Variants in MARCHF11 observed in about 807,000 individuals in gnomAD.
The protein encoded by MARCHF11 is E3 ubiquitin-protein ligase MARCHF11.
A neutral mutation model predicts 37.3 loss-of-function variants in MARCHF11; 29 were observed. That is an observed-to-expected ratio of 0.78 (90% CI 0.58 to 1.06). MARCHF11 has a LOEUF of 1.06. Among genes scored for constraint, MARCHF11 ranks in the 50% least tolerant of loss-of-function variants. The probability of loss-of-function intolerance (pLI) is 0.00; values close to 1 mark genes in which losing one functional copy is unlikely to be tolerated. For missense variants in MARCHF11, 482 were observed against 533.4 expected, an observed-to-expected ratio of 0.90 and a Z score of 0.95; for synonymous variants, 233 against 228.0, an observed-to-expected ratio of 1.02 and a Z score of -0.20.
chr5:16,172,785 T>C (rs184177992), intron 2 of MARCHF11, among the ~76,000 whole-genome samples: 1 of 152,260 alleles, frequency 6.6e-6, no homozygotes, highest in Admixed American at 6.5e-5. Context: ...GTAATGACCA[T>C]GGGTTCCTCA....
chr5:16,098,090 G>A (rs1736900412), intron 2 of MARCHF11, among the ~76,000 whole-genome samples: 1 of 152,168 alleles, frequency 6.6e-6, no homozygotes, highest in Admixed American at 6.5e-5. Flanking sequence ...TATCCTCTCA[G>A]TAGATGTGGT....
At chr5:16,095,580 T>C (rs1474680471) in intron 2 of MARCHF11, among the ~76,000 whole-genome samples, 1 of 152,194 alleles carries the variant, frequency 6.6e-6, no homozygotes, top group African/African-American at 2.4e-5. Flanking sequence ...TCCCTCTGTG[T>C]CTTTGAGCAC....
intron 3 of MARCHF11, among the ~76,000 whole-genome samples, chr5:16,076,157 T>C (rs1256840149): frequency 6.6e-6 from 1 of 152,228 alleles, no homozygotes; most frequent in African/African-American, 2.4e-5. Context: ...TTTTTAAAAT[T>C]CCTTGTAGAT....
In MARCHF11 at chr5:16,067,290, C is replaced by A; in HGVS notation, c.*181G>T. Reference sequence around the variant, plus strand: ...ATAAAAGATGTGACAAACCAGACAACGAAGAACAAGAGGACTCTTTTTCTC... The same window carrying A: ...ATAAAAGATGTGACAAACCAGACAAAGAAGAACAAGAGGACTCTTTTTCTC... On this transcript the variant is annotated 3_prime_UTR_variant, in exon 4 of 4. Transcript: ENST00000332432. 1.8e-6 allele frequency: 1 copy of A among 543,130 alleles called. No homozygotes were observed. The highest frequency in any genetic ancestry group is 3.3e-5 in the South Asian group (1 of 30,408). 33.6% of individuals were successfully genotyped at this position (543,130 alleles called of 1,614,324 possible).
At chr5:16,165,786 T>C (rs888279007) in intron 2 of MARCHF11, among the ~76,000 whole-genome samples, 1 of 152,082 alleles carries the variant, frequency 6.6e-6, no homozygotes, top group African/African-American at 2.4e-5. Context: ...CTACATAGAA[T>C]TTGCTAGCCT....
Position 16,067,266 on chromosome 5 carries a change from T to C in MARCHF11, c.*205A>G. 2 of 505,074 alleles carry C rather than the reference T, an allele frequency of 4.0e-6. No individual in the cohort carries two copies. Among genetic ancestry groups the C allele is most frequent in the Non-Finnish European group, 6.9e-6 (2 of 289,478 alleles). The allele number at this position is 505,074 out of a possible 1,614,324, so 31.3% of individuals were successfully genotyped here. A position where few individuals can be genotyped will look rare whatever the true frequency, so the allele number is the denominator to read the frequency against. On this transcript the variant is annotated 3_prime_UTR_variant, in exon 4 of 4. Transcript: ENST00000332432. The stretch of plus-strand genomic sequence containing the variant: ...TATAATGATTTCAAGTACCAACTTA[T>C]AAAAGATGTGACAAACCAGACAACG...
At chr5:16,157,427 A>G (rs780457732) in intron 2 of MARCHF11, among the ~76,000 whole-genome samples, 1 of 152,020 alleles carries the variant, frequency 6.6e-6, no homozygotes, top group Non-Finnish European at 1.5e-5. Context: ...GCATCACACT[A>G]CTTTATGTCA....
At chr5:16,144,748 T>G (rs185357917) in intron 2 of MARCHF11, among the ~76,000 whole-genome samples, 6 of 152,314 alleles carry the variant, frequency 3.9e-5, no homozygotes, top group Admixed American at 3.9e-4. Context: ...CACTTCACAG[T>G]GCAAACACTG....
At chr5:16,117,341 G>A (rs138207968) in intron 2 of MARCHF11, among the ~76,000 whole-genome samples, 7 of 152,172 alleles carry the variant, frequency 4.6e-5, no homozygotes, top group African/African-American at 1.7e-4. Flanking sequence ...CTATCCATTC[G>A]GCATGTTTTC....
chr5:16,124,514 T>C (rs184189095), intron 2 of MARCHF11, among the ~76,000 whole-genome samples: 3 of 152,180 alleles, frequency 2.0e-5, no homozygotes, highest in Admixed American at 2.0e-4. Context: ...CCAGGCAAAA[T>C]TGGCCTTTCT....
At chr5:16,172,624 A>G (rs1738288909) in intron 2 of MARCHF11, among the ~76,000 whole-genome samples, 1 of 152,206 alleles carries the variant, frequency 6.6e-6, no homozygotes, top group Non-Finnish European at 1.5e-5. Context: ...AATACAGTTC[A>G]TGCTCTGATG....
chr5:16,105,920 T>C (rs1299986457), intron 2 of MARCHF11, among the ~76,000 whole-genome samples: 1 of 152,170 alleles, frequency 6.6e-6, no homozygotes, highest in East Asian at 1.9e-4. Context: ...TTTATGCAAA[T>C]AATCCAGTAT....
chr5:16,122,878 C>A (rs1222249823), intron 2 of MARCHF11, among the ~76,000 whole-genome samples: 5 of 152,168 alleles, frequency 3.3e-5, no homozygotes, highest in African/African-American at 1.2e-4. Context: ...TTAAAAGATA[C>A]CTCCCCAGGA....
At chr5:16,121,281 C>T (rs1467994955) in intron 2 of MARCHF11, among the ~76,000 whole-genome samples, 7 of 152,132 alleles carry the variant, frequency 4.6e-5, no homozygotes, top group Non-Finnish European at 7.3e-5. Flanking sequence ...GGTTTGTCAC[C>T]GTGTGACGTA....
intron 2 of MARCHF11, among the ~76,000 whole-genome samples, chr5:16,105,442 T>C (rs1485370084): frequency 1.3e-5 from 2 of 152,220 alleles, no homozygotes; most frequent in African/African-American, 2.4e-5. Flanking sequence ...AAGGGTTTTA[T>C]GGTATTAATA....
At chr5:16,092,777 T>C (rs1736807852) in intron 2 of MARCHF11, among the ~76,000 whole-genome samples, 1 of 152,370 alleles carries the variant, frequency 6.6e-6, no homozygotes, top group Middle Eastern at 3.4e-3. Flanking sequence ...AACTGGTTGA[T>C]ATTATTTTGT....
At chr5:16,092,135 A>G (rs1736799320) in intron 2 of MARCHF11, among the ~76,000 whole-genome samples, 1 of 152,116 alleles carries the variant, frequency 6.6e-6, no homozygotes, top group South Asian at 2.1e-4. Context: ...TTCAATCTGA[A>G]CTTATGCATC....
chr5:16,094,624 C>T (rs1736836857), intron 2 of MARCHF11, among the ~76,000 whole-genome samples: 1 of 152,070 alleles, frequency 6.6e-6, no homozygotes, highest in Non-Finnish European at 1.5e-5. Context: ...ATAGTTGCTA[C>T]TGCTTTCTTT....
At chr5:16,137,237 A>C (rs529550338) in intron 2 of MARCHF11, among the ~76,000 whole-genome samples, 17 of 152,100 alleles carry the variant, frequency 1.1e-4, no homozygotes, top group Non-Finnish European at 2.5e-4. Flanking sequence ...CATCATCCCC[A>C]TGTGTCATGG....
Sources: allele counts gnomAD v4.1 joint callset (sites outside exome capture counted in the v4.1 genomes callset), GRCh38; gene constraint gnomAD v4.1.1; transcripts MANE v1.5; gene names NCBI Gene and HGNC (gene_info 2026-07-23, HGNC 2026-07-21).